Variants in DLG2 observed in about 807,000 individuals in gnomAD.
DLG2 encodes discs large MAGUK scaffold protein 2.
DLG2 carries 45 observed loss-of-function variants against 132.5 expected under a neutral mutation model. The observed-to-expected ratio is 0.34, with a 90% CI of 0.27 to 0.44. DLG2 has a LOEUF of 0.44. DLG2 is among the 20% of genes least tolerant of loss of function. The pLI is 1.00. For missense variants in DLG2, 1,045 were observed against 1,196.9 expected (o/e 0.87, Z 1.87); for synonymous variants, 424 against 419.6 (o/e 1.01, Z -0.13).
chr11:83,785,658 T>C (rs2153884692), intron 18 of DLG2, among the ~76,000 whole-genome samples: 1 of 152,382 alleles, frequency 6.6e-6, no homozygotes, highest in African/African-American at 2.4e-5. Context: ...TCTTTATTCA[T>C]GGGCAGACCA....
chr11:85,010,040 G>A (rs1182133605), intron 6 of DLG2, among the ~76,000 whole-genome samples: 2 of 152,072 alleles, frequency 1.3e-5, no homozygotes, highest in Non-Finnish European at 2.9e-5. Flanking sequence ...TTTCAGGTGT[G>A]TAGGCAATAA....
At chr11:83,637,347 A>G (rs2153470963) in intron 18 of DLG2, among the ~76,000 whole-genome samples, 1 of 152,308 alleles carries the variant, frequency 6.6e-6, no homozygotes, top group East Asian at 1.9e-4. Context: ...AAATTTTCAA[A>G]TGCTTCAATT....
At chr11:85,213,493 G>C (rs1263098953) in intron 4 of DLG2, among the ~76,000 whole-genome samples, 1 of 152,120 alleles carries the variant, frequency 6.6e-6, no homozygotes, top group Non-Finnish European at 1.5e-5. Flanking sequence ...TAAAGACCTG[G>C]AATCAGTAGA....
intron 6 of DLG2, chr11:84,955,281 T>A (rs1002247229): frequency 1.3e-5 from 2 of 152,166 alleles, no homozygotes; most frequent in Non-Finnish European, 2.9e-5. Flanking sequence ...TGACACGTAA[T>A]AGCATATTTA....
At chr11:85,211,310 AACTC>A (rs2082241261) in intron 4 of DLG2, among the ~76,000 whole-genome samples, 4 of 152,312 alleles carry the variant, frequency 2.6e-5, no homozygotes, top group South Asian at 2.1e-4. Flanking sequence ...GAGTAATTAT[AACTC>A]ACTATCTCAA....
chr11:83,550,003 C>T (rs760366623), intron 19 of DLG2, among the ~76,000 whole-genome samples: 13 of 152,094 alleles, frequency 8.5e-5, no homozygotes, highest in Admixed American at 4.6e-4. Context: ...CTCATTTTAT[C>T]GAAGGGAAGA....
chr11:84,764,106 T>C (rs1264673117), intron 6 of DLG2, among the ~76,000 whole-genome samples: 2 of 152,152 alleles, frequency 1.3e-5, no homozygotes, highest in African/African-American at 4.8e-5. Context: ...CACCATTTTA[T>C]TGGCTCCCAC....
At chr11:85,177,122 T>C (rs559086952) in intron 4 of DLG2, among the ~76,000 whole-genome samples, 24 of 152,192 alleles carry the variant, frequency 1.6e-4, no homozygotes, top group African/African-American at 5.1e-4. Context: ...CCCAAAGGAA[T>C]ATAAATCATT....
intron 7 of DLG2, among the ~76,000 whole-genome samples, chr11:84,301,715 T>C (rs554962020): frequency 2.3e-4 from 24 of 103,692 alleles, no homozygotes; most frequent in African/African-American, 9.0e-4. Flanking sequence ...TGTGGAGAAA[T>C]AGGAACACTT....
intron 19 of DLG2, among the ~76,000 whole-genome samples, chr11:83,618,150 G>T (rs571294534): frequency 7.2e-5 from 11 of 151,990 alleles, no homozygotes; most frequent in Non-Finnish European, 1.5e-4. Flanking sequence ...CTTTTATTCT[G>T]TTAATGTGAT....
intron 3 of DLG2, among the ~76,000 whole-genome samples, chr11:85,420,410 G>C (rs1166508248): frequency 6.6e-6 from 1 of 152,128 alleles, no homozygotes; most frequent in African/African-American, 2.4e-5. Context: ...AATCTTGGGG[G>C]TCAGGGACCC....
intron 7 of DLG2, among the ~76,000 whole-genome samples, chr11:84,495,326 TAA>T (rs1197104471): frequency 6.6e-6 from 1 of 152,130 alleles, no homozygotes; most frequent in African/African-American, 2.4e-5. Context: ...ACATATCACC[TAA>T]GAGTTAGGGA....
chr11:85,065,699 T>A (rs1282117767), intron 6 of DLG2, among the ~76,000 whole-genome samples: 1 of 151,120 alleles, frequency 6.6e-6, no homozygotes, highest in African/African-American at 2.4e-5. Flanking sequence ...AATTAAACAA[T>A]CTGCTCCTGA....
At chr11:84,705,035 G>T (rs919968504) in intron 6 of DLG2, among the ~76,000 whole-genome samples, 2 of 151,570 alleles carry the variant, frequency 1.3e-5, no homozygotes, top group African/African-American at 4.8e-5. Flanking sequence ...GTTAATTTAA[G>T]AACAAACTTT....
intron 3 of DLG2, among the ~76,000 whole-genome samples, chr11:85,363,527 T>C (rs1238649915): frequency 6.6e-6 from 1 of 152,236 alleles, no homozygotes; most frequent in Non-Finnish European, 1.5e-5. Flanking sequence ...CTCTGCCAGA[T>C]AATACACAGA....
At position 85,018,414 on chromosome 11, in the gene DLG2, C is replaced by T. The variant is rs1324317908; in HGVS notation, c.357+93247G>A. ...GTAGGGATAAATTAACTGTCTCTGT[C>T]TGACATATGTTTTGAATTTTAAAAC... On this transcript the variant is annotated intron_variant, in intron 6 of 27. Coordinates refer to ENST00000376104, the MANE Select transcript of DLG2 (RefSeq NM_001142699.3). 2.0e-5 allele frequency among the ~76,000 whole-genome samples: 3 copies of T among 152,040 alleles called. No individual in the cohort carries two copies. The East Asian group carries it at 5.8e-4, about 29-fold the overall frequency.
intron 8 of DLG2, among the ~76,000 whole-genome samples, chr11:84,206,517 AT>A (rs2096667635): frequency 6.6e-6 from 1 of 152,082 alleles, no homozygotes; most frequent in Admixed American, 6.5e-5. Flanking sequence ...ACCAAATCTA[AT>A]AATATATAAA....
chr11:85,516,562 C>T (rs1300888100), intron 3 of DLG2, among the ~76,000 whole-genome samples: 3 of 151,838 alleles, frequency 2.0e-5, no homozygotes, highest in Non-Finnish European at 1.5e-5. Flanking sequence ...AGAAGAGAGA[C>T]AATTCAATCA....
intron 25 of DLG2, among the ~76,000 whole-genome samples, chr11:83,467,810 T>TATATACACAC (rs1414160515): frequency 5.7e-4 from 55 of 96,278 alleles, no homozygotes; most frequent in Non-Finnish European, 9.1e-4. Flanking sequence ...TATATATATA[T>TATATACACAC]ACACACACAC....
Sources: allele counts gnomAD v4.1 joint callset (sites outside exome capture counted in the v4.1 genomes callset), GRCh38; gene constraint gnomAD v4.1.1; transcripts MANE v1.5; gene names NCBI Gene and HGNC (gene_info 2026-07-23, HGNC 2026-07-21).